The following CSMD3 variants were observed in gnomAD, a reference collection of about 807,000 sequenced individuals.
CSMD3 encodes CUB and sushi domain-containing protein 3.
A neutral mutation model predicts 435.2 loss-of-function variants in CSMD3; 177 were observed. The observed-to-expected ratio is 0.41, with a 90% CI of 0.36 to 0.46. The LOEUF is 0.46. Among genes scored for constraint, CSMD3 ranks in the 20% least tolerant of loss-of-function variants. CSMD3 has a pLI of 0.34. For synonymous variants in CSMD3, 1,656 were observed against 1,520.5 expected (o/e 1.09, Z -2.07); for missense variants, 4,265 against 4,504.6 (o/e 0.95, Z 1.52).
intron 47 of CSMD3, among the ~76,000 whole-genome samples, 191 bp downstream of exon 47, chr8:112,318,646 A>G (rs533094848): frequency 1.3e-5 from 2 of 152,118 alleles, no homozygotes; most frequent in Non-Finnish European, 2.9e-5. Context: ...AGAATCAAAG[A>G]TGTTTAAAGT....
chr8:112,893,428 A>G (rs2081859275), intron 10 of CSMD3, among the ~76,000 whole-genome samples: 1 of 151,474 alleles, frequency 6.6e-6, no homozygotes, highest in African/African-American at 2.4e-5. Context: ...TAATGCAATT[A>G]AATTAAAACA....
At chr8:112,663,010 A>C (rs1342600079) in intron 17 of CSMD3, among the ~76,000 whole-genome samples, 1 of 152,154 alleles carries the variant, frequency 6.6e-6, no homozygotes, top group Admixed American at 6.5e-5. Flanking sequence ...GCGATCATTA[A>C]AAAGTCAGGA....
intron 22 of CSMD3, among the ~76,000 whole-genome samples, chr8:112,617,389 G>T (rs1833742494): frequency 6.6e-6 from 1 of 152,134 alleles, no homozygotes; most frequent in Non-Finnish European, 1.5e-5. Context: ...ATAAGTGCAT[G>T]AATTAATGTT....
chr8:112,237,572 T>C (rs1481391457), intron 66 of CSMD3, among the ~76,000 whole-genome samples: 1 of 152,052 alleles, frequency 6.6e-6, no homozygotes, highest in South Asian at 2.1e-4. Flanking sequence ...AAGAGAGAAA[T>C]AGAAAACACC....
At chr8:112,997,846 G>A (rs1564192332) in intron 6 of CSMD3, among the ~76,000 whole-genome samples, 1 of 127,392 alleles carries the variant, frequency 7.8e-6, no homozygotes, top group African/African-American at 3.2e-5. Context: ...ACGTATGTAT[G>A]TACATGTATA....
intron 9 of CSMD3, among the ~76,000 whole-genome samples, chr8:112,935,056 A>C (rs890422399): frequency 6.6e-6 from 1 of 152,040 alleles, no homozygotes. Flanking sequence ...TAAATACCTA[A>C]ATTTATTTTG....
intron 49 of CSMD3, among the ~76,000 whole-genome samples, chr8:112,312,445 G>A (rs1373067615): frequency 6.6e-6 from 1 of 151,910 alleles, no homozygotes; most frequent in African/African-American, 2.4e-5. Context: ...TAGTAGAGAG[G>A]GGGTGTCACT....
intron 10 of CSMD3, among the ~76,000 whole-genome samples, chr8:112,904,671 G>A (rs1331767479): frequency 3.3e-5 from 5 of 151,388 alleles, no homozygotes; most frequent in Admixed American, 6.6e-5. Flanking sequence ...ATGCCACCTC[G>A]GTTCTGGAAG....
chr8:113,243,171 T>C (rs2093238552), intron 3 of CSMD3, among the ~76,000 whole-genome samples: 1 of 151,852 alleles, frequency 6.6e-6, no homozygotes, highest in African/African-American at 2.4e-5. Flanking sequence ...CACTTAAAAC[T>C]GAAAGAAAAA....
intron 31 of CSMD3, among the ~76,000 whole-genome samples, chr8:112,478,250 A>G (rs560037072): frequency 9.8e-5 from 15 of 152,304 alleles, no homozygotes; most frequent in African/African-American, 3.6e-4. Context: ...GGGTGTTACT[A>G]TAAGGATACC....
At chr8:112,876,628 A>G (rs1403459801) in intron 10 of CSMD3, among the ~76,000 whole-genome samples, 1 of 152,168 alleles carries the variant, frequency 6.6e-6, no homozygotes, top group Non-Finnish European at 1.5e-5. Flanking sequence ...GATAAAATTC[A>G]ACAGCGCTTC....
chr8:112,625,787 A>C (rs1834430847), intron 22 of CSMD3, among the ~76,000 whole-genome samples: 1 of 152,186 alleles, frequency 6.6e-6, no homozygotes, highest in South Asian at 2.1e-4. Context: ...CTTTTGAAAA[A>C]CACCTGCTTG....
In CSMD3 at chr8:112,970,395, CAAA is replaced by C. The variant is rs11284034; in HGVS notation, c.1342+5439_1342+5441del. On this transcript the variant is annotated intron_variant, in intron 7 of 70. Transcript: ENST00000297405. ...TGGGTGACAGAGCTAGACTCCCTCT[CAAA>C]AAAAAAAAAAAAAAAAAAGAAAAGA... is the stretch of plus-strand genomic sequence containing the variant. Among the ~76,000 whole-genome samples, 7 of 82,192 alleles carry C rather than the reference CAAA, an allele frequency of 8.5e-5. No individual in the cohort carries two copies. In the East Asian group the frequency reaches 1.9e-3, roughly 22 times the overall value. 53.9% of individuals were successfully genotyped at this position (82,192 alleles called of 152,430 possible).
intron 1 of CSMD3, among the ~76,000 whole-genome samples, chr8:113,341,964 T>G (rs1246489721): frequency 6.6e-6 from 1 of 152,110 alleles, no homozygotes; most frequent in East Asian, 1.9e-4. Context: ...AACCTCTTTG[T>G]ATTGATTTGT....
intron 16 of CSMD3, among the ~76,000 whole-genome samples, chr8:112,669,011 ATAT>A (rs755813911): frequency 2.6e-5 from 4 of 151,664 alleles, no homozygotes; most frequent in Non-Finnish European, 4.4e-5. Flanking sequence ...AAACCTAAAA[ATAT>A]TATTATTATT....
At chr8:112,536,365 A>T (rs1826080080) in intron 27 of CSMD3, among the ~76,000 whole-genome samples, 1 of 152,216 alleles carries the variant, frequency 6.6e-6, no homozygotes, top group Admixed American at 6.5e-5. Flanking sequence ...GGCAAAGGAC[A>T]TGAGCAGATA....
chr8:112,639,886 C>T lies in CSMD3; in HGVS notation c.3311-975G>A, dbSNP rs2131593601. On this transcript the variant is annotated intron_variant, in intron 20 of 70. Transcript: ENST00000297405. ...TTACCACAAATGTAAATGGTACAGCCATGAACATTTATCTTTTGTGAACAT... is the reference window on the plus strand; with the variant it reads ...TTACCACAAATGTAAATGGTACAGCTATGAACATTTATCTTTTGTGAACAT... Among the ~76,000 whole-genome samples, 2 of 152,214 alleles carry T rather than the reference C, an allele frequency of 1.3e-5. 1 individual carries two copies. Among genetic ancestry groups the T allele is most frequent in the South Asian group, 4.1e-4 (2 of 4,824 alleles).
At chr8:113,381,031 G>A (rs1281055667) in intron 1 of CSMD3, among the ~76,000 whole-genome samples, 2 of 152,074 alleles carry the variant, frequency 1.3e-5, no homozygotes, top group South Asian at 2.1e-4. Context: ...TCCAAATCCC[G>A]TCTCCATATA....
At chr8:113,317,506 A>C (rs1000945365) in intron 1 of CSMD3, among the ~76,000 whole-genome samples, 12 of 152,254 alleles carry the variant, frequency 7.9e-5, no homozygotes, top group Non-Finnish European at 1.8e-4. Context: ...TTTTAGACAA[A>C]TTAGGAATTA....
Sources: allele counts gnomAD v4.1 joint callset (sites outside exome capture counted in the v4.1 genomes callset), GRCh38; gene constraint gnomAD v4.1.1; transcripts MANE v1.5; gene names NCBI Gene and HGNC (gene_info 2026-07-23, HGNC 2026-07-21).